The following HCK variants were observed in gnomAD, a reference collection of about 807,000 sequenced individuals.
HCK encodes the protein HCK proto-oncogene, Src family tyrosine kinase.
HCK carries 40 observed loss-of-function variants against 70.4 expected under a neutral mutation model. The observed-to-expected ratio is 0.57, with a 90% CI of 0.44 to 0.74. The LOEUF (loss-of-function observed/expected upper bound fraction) is 0.74. HCK is among the 30% of genes least tolerant of loss of function. HCK has a pLI of 0.00. For synonymous variants in HCK, 245 were observed against 263.2 expected (o/e 0.93, Z 0.67); for missense variants, 568 against 697.2 (o/e 0.81, Z 2.09).
At chr20:32,091,807 A>G in intron 10 of HCK, among the ~76,000 whole-genome samples, 1 of 110,002 alleles carries the variant, frequency 9.1e-6, no homozygotes, top group Non-Finnish European at 1.7e-5. Context: ...CCTCTTCTCT[A>G]TTAAAAAAAA....
At position 32,074,501 on chromosome 20, in the gene HCK, C is replaced by G. The variant is rs2045593153; in HGVS notation, c.330-122C>G. On this transcript the variant is annotated intron_variant, in intron 4 of 12. Coordinates refer to ENST00000375852, the MANE Select transcript of HCK (RefSeq NM_002110.5). Reference sequence around the variant, plus strand: ...TGCTGGGGCTGACATAGTCACAGCCCTGTCCTTCACCCTACTGGCTTTCTG... The same window carrying G: ...TGCTGGGGCTGACATAGTCACAGCCGTGTCCTTCACCCTACTGGCTTTCTG... The G allele has an allele frequency of 4.2e-5, 30 of 719,912 alleles. No individual in the cohort carries two copies. The South Asian group carries it at 4.4e-4, about 10-fold the overall frequency. The allele number at this position is 719,912 out of a possible 1,614,324, so 44.6% of individuals were successfully genotyped here.
At position 32,081,894 on chromosome 20, in the gene HCK, C is replaced by T. The variant is rs2045713606; in HGVS notation, c.533-2000C>T. ...AGGAAAATGAGCCTGGTCCAGCTTT[C>T]ACAGCTCTCTGAGATGGGGCATGTT... On this transcript the variant is annotated intron_variant, in intron 6 of 12. Coordinates refer to ENST00000375852, the MANE Select transcript of HCK (RefSeq NM_002110.5). 2.0e-5 allele frequency among the ~76,000 whole-genome samples: 3 copies of T among 152,346 alleles called. No homozygotes were observed. The South Asian group carries it at 6.2e-4, about 32-fold the overall frequency.
Position 32,052,432 on chromosome 20 carries a change from G to T in HCK, c.8G>T (p.Gly3Val), listed in dbSNP as rs1267564635. ...ACCTCAGGGGCTGCCGAGCTGGGGG[G>T]GCGCTCAAGCTGCGAGGATCCGGGC... is the stretch of plus-strand genomic sequence containing the variant. The change falls in exon 1 of 13, where the codon GGG (glycine) becomes GTG (valine). Residue 3 changes from glycine (G) to valine (V), a missense_variant. By Grantham distance (109) the Gly-to-Val change is moderately radical (BLOSUM62 -3). Coordinates refer to ENST00000375852, the MANE Select transcript of HCK (RefSeq NM_002110.5). 3 of 1,283,466 alleles carry T rather than the reference G, an allele frequency of 2.3e-6. No individual in the cohort carries two copies. Among genetic ancestry groups the T allele is most frequent in the Non-Finnish European group, 3.0e-6 (3 of 1,006,122 alleles). 79.5% of individuals were successfully genotyped at this position (1,283,466 alleles called of 1,614,324 possible).
chr20:32,076,992 C>T (rs895038380), intron 5 of HCK, among the ~76,000 whole-genome samples: 1 of 152,018 alleles, frequency 6.6e-6, no homozygotes, highest in Admixed American at 6.6e-5. Flanking sequence ...GGCTGAGGCA[C>T]GAGATTTGCT....
At chr20:32,093,408 G>C (rs1179382379) in intron 10 of HCK, among the ~76,000 whole-genome samples, 1 of 152,132 alleles carries the variant, frequency 6.6e-6, no homozygotes, top group African/African-American at 2.4e-5. Context: ...AGATATGAGA[G>C]GTATAGCAGA....
intron 1 of HCK, among the ~76,000 whole-genome samples, chr20:32,060,410 A>G (rs755870026): frequency 4.6e-5 from 7 of 152,060 alleles, no homozygotes; most frequent in Non-Finnish European, 7.4e-5. Flanking sequence ...TGGTTGAGAC[A>G]GGGTTTCACC....
chr20:32,065,742 C>G (rs1409948659), intron 1 of HCK, among the ~76,000 whole-genome samples: 2 of 152,184 alleles, frequency 1.3e-5, no homozygotes, highest in African/African-American at 4.8e-5. Flanking sequence ...ATGGGATTCT[C>G]TGATTGGCCA....
At chr20:32,098,351 C>T (rs1004095399) in intron 11 of HCK, among the ~76,000 whole-genome samples, 5 of 152,036 alleles carry the variant, frequency 3.3e-5, no homozygotes, top group Non-Finnish European at 5.9e-5. Flanking sequence ...TTTTAATTAG[C>T]TTGGCATAAT....
chr20:32,073,594 C>A, intron 3 of HCK, 122 bp from the exon 4 acceptor site: 1 of 691,946 alleles, frequency 1.4e-6, no homozygotes, highest in Non-Finnish European at 2.5e-6. Flanking sequence ...GGTGAGACGC[C>A]TACTTATACT....
intron 1 of HCK, among the ~76,000 whole-genome samples, chr20:32,068,477 T>C (rs2045492443): frequency 6.6e-6 from 1 of 152,208 alleles, no homozygotes; most frequent in Non-Finnish European, 1.5e-5. Context: ...TTAACTTATA[T>C]TTGTGGCTCA....
chr20:32,100,322 G>A (rs2046016604), intron 12 of HCK, among the ~76,000 whole-genome samples: 1 of 152,228 alleles, frequency 6.6e-6, no homozygotes. Flanking sequence ...GGAACAGGGT[G>A]GCAGCCAGTG....
intron 9 of HCK, among the ~76,000 whole-genome samples, chr20:32,087,375 C>T (rs2045803476): frequency 1.3e-5 from 2 of 152,076 alleles, no homozygotes; most frequent in South Asian, 4.1e-4. Flanking sequence ...GCAATCATAA[C>T]TCCTGGGCTC....
Position 32,067,855 on chromosome 20 carries a change from C to CA in HCK, c.63-3798dup, listed in dbSNP as rs201763257. On this transcript the variant is annotated intron_variant, in intron 1 of 12. Transcript: ENST00000375852. ...CACACTGAGATGTGAAGGCTTAGTA[C>CA]AAAAAAAAATGTAAAGTATCTCATT... is the stretch of plus-strand genomic sequence containing the variant. Among the ~76,000 whole-genome samples, 249 of 148,882 alleles carry CA rather than the reference C, an allele frequency of 1.7e-3. 2 individuals are homozygous for CA. Among genetic ancestry groups the CA allele is most frequent in the African/African-American group, 5.5e-3 (224 of 40,644 alleles).
At chr20:32,057,783 C>A (rs1028298258) in intron 1 of HCK, among the ~76,000 whole-genome samples, 2 of 152,274 alleles carry the variant, frequency 1.3e-5, no homozygotes, top group African/African-American at 2.4e-5. Context: ...TCTAAACAAA[C>A]CCCACCACAT....
At chr20:32,092,130 C>T (rs2045872837) in intron 10 of HCK, among the ~76,000 whole-genome samples, 3 of 152,262 alleles carry the variant, frequency 2.0e-5, no homozygotes, top group African/African-American at 7.2e-5. Context: ...TTTGATTGTT[C>T]TGTCTAGTCA....
At chr20:32,072,783 G>A (rs6142604) in intron 2 of HCK, among the ~76,000 whole-genome samples, 1 of 152,054 alleles carries the variant, frequency 6.6e-6, no homozygotes, top group East Asian at 1.9e-4. Flanking sequence ...GGGTCAAGCA[G>A]CATCCCCCGG....
At chr20:32,089,039 C>T (rs1449890286) in intron 10 of HCK, among the ~76,000 whole-genome samples, 1 of 152,230 alleles carries the variant, frequency 6.6e-6, no homozygotes, top group African/African-American at 2.4e-5. Context: ...CATGGCTCAG[C>T]CTCCAGGGTC....
chr20:32,092,783 G>A (rs2045881620), intron 10 of HCK, among the ~76,000 whole-genome samples: 1 of 151,694 alleles, frequency 6.6e-6, no homozygotes, highest in South Asian at 2.1e-4. Flanking sequence ...CTACCTCCAC[G>A]CCTTTGCATC....
chr20:32,084,082 G>A, intron 7 of HCK, 39 bp downstream of exon 7: 1 of 1,602,938 alleles, frequency 6.2e-7, no homozygotes, highest in Non-Finnish European at 8.5e-7. Flanking sequence ...CACCACGATG[G>A]GCCCACAGAC....
Sources: allele counts gnomAD v4.1 joint callset (sites outside exome capture counted in the v4.1 genomes callset), GRCh38; gene constraint gnomAD v4.1.1; transcripts MANE v1.5; gene names NCBI Gene and HGNC (gene_info 2026-07-23, HGNC 2026-07-21).